The following MCC variants were observed in gnomAD, a reference collection of about 807,000 sequenced individuals.
MCC encodes colorectal mutant cancer protein.
In MCC, 90 loss-of-function variants were observed where a neutral mutation model predicts 116.2. The ratio of observed to expected loss-of-function variants is 0.77; its 90% CI spans 0.65 to 0.92. The LOEUF (loss-of-function observed/expected upper bound fraction) is 0.92, where lower values mean the gene tolerates loss of function less well. Among genes scored for constraint, MCC ranks in the 40% least tolerant of loss-of-function variants. The pLI is 0.00. For synonymous variants in MCC, 578 were observed against 510.5 expected (o/e 1.13, Z -1.78); for missense variants, 1,516 against 1,312.2 (o/e 1.16, Z -2.40).
chr5:113,143,594 G>A (rs911246227), intron 4 of MCC, among the ~76,000 whole-genome samples: 4 of 152,140 alleles, frequency 2.6e-5, no homozygotes, highest in Admixed American at 2.6e-4. Flanking sequence ...CTCTCTTTGG[G>A]AAACAGTCCC....
intron 1 of MCC, among the ~76,000 whole-genome samples, chr5:113,414,697 G>A (rs1472570673): frequency 6.6e-6 from 1 of 152,130 alleles, no homozygotes; most frequent in East Asian, 1.9e-4. Context: ...ATAGGACACT[G>A]ATGGGTCTTG....
intron 8 of MCC, among the ~76,000 whole-genome samples, chr5:113,085,930 T>C (rs1755173516): frequency 6.6e-6 from 1 of 152,208 alleles, no homozygotes; most frequent in Non-Finnish European, 1.5e-5. Flanking sequence ...ACTCAAGCGA[T>C]TCTCCCACCT....
chr5:113,108,761 A>G (rs1446311846), intron 6 of MCC, among the ~76,000 whole-genome samples: 2 of 152,176 alleles, frequency 1.3e-5, no homozygotes, highest in African/African-American at 4.8e-5. Context: ...ACTCTGAAGA[A>G]TATCTACCCT....
intron 3 of MCC, among the ~76,000 whole-genome samples, chr5:113,173,969 A>T (rs1761199910): frequency 1.3e-5 from 2 of 152,228 alleles, no homozygotes; most frequent in South Asian, 4.1e-4. Context: ...TTACTGCAAC[A>T]GCAACACAAA....
At position 113,068,160 on chromosome 5, in the gene MCC, T is replaced by C; in HGVS notation, c.1949A>G (p.Glu650Gly). The C allele has an allele frequency of 1.2e-6, 2 of 1,614,138 alleles. No homozygotes were observed. Among genetic ancestry groups the C allele is most frequent in the Non-Finnish European group, 1.7e-6 (2 of 1,180,026 alleles). The change falls in exon 13 of 19, where the codon GAA (glutamate) becomes GGA (glycine). Residue 650 changes from glutamate (E) to glycine (G), a missense_variant. Transcript: ENST00000408903. ...ACTCTCTGCCAGCGCCAGGAGGAGTTCGTAGGCTTCGATGCACTGCTCGCT... is the reference window on the plus strand; with the variant it reads ...ACTCTCTGCCAGCGCCAGGAGGAGTCCGTAGGCTTCGATGCACTGCTCGCT... Reference protein sequence around the residue: ...QYSEQCIEAYELLLALAESEQ... With the variant: ...QYSEQCIEAYGLLLALAESEQ...
chr5:113,121,237 T>G (rs756131083), intron 6 of MCC, among the ~76,000 whole-genome samples: 1 of 152,248 alleles, frequency 6.6e-6, no homozygotes, highest in Non-Finnish European at 1.5e-5. Context: ...CTATGGATTC[T>G]TTCTCCACAC....
intron 3 of MCC, among the ~76,000 whole-genome samples, chr5:113,155,374 G>C (rs149941042): frequency 6.6e-6 from 1 of 152,160 alleles, no homozygotes; most frequent in African/African-American, 2.4e-5. Flanking sequence ...GTAATAAGCC[G>C]ATTTTCTTTG....
At chr5:113,425,986 G>A (rs1770472099) in intron 1 of MCC, among the ~76,000 whole-genome samples, 1 of 152,126 alleles carries the variant, frequency 6.6e-6, no homozygotes, top group African/African-American at 2.4e-5. Flanking sequence ...CGGAACCCAG[G>A]CAGAAGCTCA....
At chr5:113,338,399 A>G (rs531729330) in intron 3 of MCC, among the ~76,000 whole-genome samples, 1 of 152,308 alleles carries the variant, frequency 6.6e-6, no homozygotes, top group South Asian at 2.1e-4. Context: ...GGGAACCCCA[A>G]GGGCTGAGCT....
At chr5:113,164,993 A>G (rs1760694719) in intron 3 of MCC, among the ~76,000 whole-genome samples, 1 of 152,164 alleles carries the variant, frequency 6.6e-6, no homozygotes, top group Non-Finnish European at 1.5e-5. Context: ...GTTCTACCCA[A>G]AAAGACCTTG....
chr5:113,394,388 C>T (rs1769474813), intron 1 of MCC, among the ~76,000 whole-genome samples: 1 of 152,162 alleles, frequency 6.6e-6, no homozygotes, highest in Admixed American at 6.5e-5. Flanking sequence ...CTCTTTCCTG[C>T]TTAAAATCCT....
intron 3 of MCC, among the ~76,000 whole-genome samples, chr5:113,282,331 A>G (rs1259952790): frequency 6.6e-6 from 1 of 152,152 alleles, no homozygotes; most frequent in African/African-American, 2.4e-5. Context: ...TTTGACACTC[A>G]GGGAATTAAA....
chr5:113,443,991 T>TTGTGTGTGTGTGTGTGTG (rs34145955), intron 1 of MCC, among the ~76,000 whole-genome samples: 4,550 of 143,938 alleles, frequency 0.032, 145 homozygotes, highest in African/African-American at 0.079. Flanking sequence ...CTCGGCTAAT[T>TTGTGTGTGTGTGTGTGTG]TGTGTGTGTG....
intron 3 of MCC, among the ~76,000 whole-genome samples, chr5:113,300,657 A>G (rs1561515179): frequency 6.6e-6 from 1 of 152,126 alleles, no homozygotes; most frequent in East Asian, 1.9e-4. Context: ...CTCAAAGTAC[A>G]TACTCCAAAG....
chr5:113,237,958 G>C (rs1404594995), intron 3 of MCC, among the ~76,000 whole-genome samples: 2 of 152,126 alleles, frequency 1.3e-5, no homozygotes, highest in Non-Finnish European at 2.9e-5. Flanking sequence ...AGCTGGGGAG[G>C]GAAAAAACTG....
At chr5:113,161,175 A>T (rs767111258) in intron 3 of MCC, among the ~76,000 whole-genome samples, 5 of 152,242 alleles carry the variant, frequency 3.3e-5, no homozygotes, top group Non-Finnish European at 4.4e-5. Flanking sequence ...AAACACAGAC[A>T]AAATAAAGAC....
intron 6 of MCC, among the ~76,000 whole-genome samples, chr5:113,111,516 G>T (rs561242997): frequency 3.7e-4 from 57 of 152,212 alleles, no homozygotes; most frequent in African/African-American, 1.2e-3. Flanking sequence ...TGGAATAAGG[G>T]GTTAAATAAT....
chr5:113,409,667 T>G (rs1398181128), intron 1 of MCC, among the ~76,000 whole-genome samples: 1 of 152,194 alleles, frequency 6.6e-6, no homozygotes, highest in Non-Finnish European at 1.5e-5. Flanking sequence ...ATTTGAATGT[T>G]ACACATAAAC....
chr5:113,460,524 C>G (rs549052397), intron 1 of MCC, among the ~76,000 whole-genome samples: 1 of 152,330 alleles, frequency 6.6e-6, no homozygotes, highest in Non-Finnish European at 1.5e-5. Context: ...GAACTAACTT[C>G]CAGCAATCAT....
Sources: allele counts gnomAD v4.1 joint callset (sites outside exome capture counted in the v4.1 genomes callset), GRCh38; gene constraint gnomAD v4.1.1; transcripts MANE v1.5; gene names NCBI Gene and HGNC (gene_info 2026-07-23, HGNC 2026-07-21).